JAK1: variants seen among roughly 807,000 people sequenced by gnomAD.
JAK1 encodes tyrosine-protein kinase JAK1.
In JAK1, 16 loss-of-function variants were observed where a neutral mutation model predicts 136.6. That is an observed-to-expected ratio of 0.12 (90% CI 0.08 to 0.18). The LOEUF (loss-of-function observed/expected upper bound fraction) is 0.18. Ranked by LOEUF, JAK1 falls within the 10% of genes least tolerant of loss-of-function variation. The pLI, the probability that JAK1 is intolerant of heterozygous loss-of-function variation, is 1.00. For missense variants in JAK1, 859 were observed against 1,450.1 expected (o/e 0.59, Z 6.62); for synonymous variants, 492 against 519.5 (o/e 0.95, Z 0.72).
intron 5 of JAK1, among the ~76,000 whole-genome samples, chr1:64,871,409 G>A (rs1364264781): frequency 6.6e-6 from 1 of 152,194 alleles, no homozygotes; most frequent in Non-Finnish European, 1.5e-5. Flanking sequence ...AAGGGAAAAC[G>A]AGAAAAACAG....
chr1:64,969,374 A>G (rs1017387885), upstream of JAK1, among the ~76,000 whole-genome samples: 10 of 151,916 alleles, frequency 6.6e-5, no homozygotes, highest in African/African-American at 2.2e-4. Flanking sequence ...ACTAGGTGCT[A>G]GTAGCAAGTC....
chr1:64,988,760 A>C (rs1646623536), intron 2 of JAK1, among the ~76,000 whole-genome samples: 1 of 151,750 alleles, frequency 6.6e-6, no homozygotes, highest in Non-Finnish European at 1.5e-5. Context: ...CTGGTGGTGC[A>C]TGCCTGTAGT....
intron 1 of JAK1, among the ~76,000 whole-genome samples, chr1:65,063,551 C>A (rs902627559): frequency 6.6e-6 from 1 of 152,098 alleles, no homozygotes; most frequent in Non-Finnish European, 1.5e-5. Flanking sequence ...TGCCTGTAAT[C>A]CCAGCAGTTT....
At chr1:64,975,014 A>G (rs1049240261) in intron 2 of JAK1, among the ~76,000 whole-genome samples, 1 of 151,374 alleles carries the variant, frequency 6.6e-6, no homozygotes, top group African/African-American at 2.4e-5. Flanking sequence ...GGTTCAAGCA[A>G]TTCTCCTGCC....
chr1:65,037,262 G>GGT (rs1647083261), intron 2 of JAK1, among the ~76,000 whole-genome samples: 1 of 151,982 alleles, frequency 6.6e-6, no homozygotes, highest in Non-Finnish European at 1.5e-5. Flanking sequence ...AGGAAAAAGG[G>GGT]GTGTGTGTGT....
intron 2 of JAK1, chr1:64,985,764 C>T: frequency 1.5e-6 from 1 of 657,144 alleles, no homozygotes; most frequent in Non-Finnish European, 2.8e-6. Flanking sequence ...AGCTACTTTA[C>T]ACAGTCCCAT....
intron 8 of JAK1, among the ~76,000 whole-genome samples, chr1:64,860,993 C>T (rs925638256): frequency 1.5e-5 from 2 of 130,882 alleles, no homozygotes; most frequent in Non-Finnish European, 3.2e-5. Context: ...GGGGGTGACG[C>T]GGTGGGGGAG....
chr1:64,969,247 C>G (rs1214239436), upstream of JAK1, among the ~76,000 whole-genome samples: 1 of 151,614 alleles, frequency 6.6e-6, no homozygotes. Flanking sequence ...GAAGAATCAC[C>G]CTAGGGCAAG....
intron 1 of JAK1, among the ~76,000 whole-genome samples, chr1:64,964,935 T>G (rs1646345810): frequency 6.6e-6 from 1 of 152,082 alleles, no homozygotes; most frequent in South Asian, 2.1e-4. Context: ...ACATTGATCC[T>G]TCAATGAAAA....
chr1:64,917,612 C>T (rs2100342507), intron 1 of JAK1, among the ~76,000 whole-genome samples: 1 of 152,270 alleles, frequency 6.6e-6, no homozygotes, highest in South Asian at 2.1e-4. Context: ...GAGCCTGGAC[C>T]AAATTCCTAA....
At chr1:64,864,738 T>G (rs768647133) in intron 8 of JAK1, 49 bp downstream of exon 8, 1 of 1,369,346 alleles carries the variant, frequency 7.3e-7, no homozygotes, top group South Asian at 1.2e-5. Flanking sequence ...TCAGCAATTC[T>G]CCCTCTCATC....
At chr1:64,959,361 CAG>C (rs1389806625) in intron 1 of JAK1, among the ~76,000 whole-genome samples, 1 of 152,182 alleles carries the variant, frequency 6.6e-6, no homozygotes, top group Non-Finnish European at 1.5e-5. Flanking sequence ...TTTATGGAAA[CAG>C]AAACTGTAAA....
intron 8 of JAK1, among the ~76,000 whole-genome samples, chr1:64,863,384 G>A (rs1379795326): frequency 1.3e-5 from 2 of 152,022 alleles, no homozygotes; most frequent in Non-Finnish European, 2.9e-5. Context: ...ATAACACGGG[G>A]CCTGATATCC....
chr1:64,885,402 G>A (rs375693117), intron 2 of JAK1, among the ~76,000 whole-genome samples: 2 of 152,146 alleles, frequency 1.3e-5, no homozygotes, highest in African/African-American at 4.8e-5. Context: ...TAACTCTAAG[G>A]AAATAAACAG....
rs532527445 is a variant in JAK1 at position 64,895,383 on chromosome 1, T to C, written c.-77-9042A>G. Among the ~76,000 whole-genome samples the C allele has an allele frequency of 2.8e-3, 432 of 152,274 alleles. 2 individuals carry two copies. The highest frequency in any genetic ancestry group is 5.3e-3 in the Non-Finnish European group (362 of 68,020). On this transcript the variant is annotated intron_variant, in intron 1 of 24. Coordinates refer to ENST00000342505, the MANE Select transcript of JAK1 (RefSeq NM_002227.4). ...AACAGATTTCACAGCCCAGTAAAGA[T>C]TAACAGACTACAGTTTGAAAAACAC...
At chr1:65,062,354 G>A (rs1198132177) in intron 1 of JAK1, among the ~76,000 whole-genome samples, 6 of 152,090 alleles carry the variant, frequency 3.9e-5, no homozygotes, top group East Asian at 1.9e-4. Flanking sequence ...AGCTAACTTC[G>A]GAATGATCCA....
chr1:64,914,569 T>G (rs779802020), intron 1 of JAK1, among the ~76,000 whole-genome samples: 8 of 152,200 alleles, frequency 5.3e-5, no homozygotes, highest in Non-Finnish European at 1.0e-4. Flanking sequence ...TACATGGTTT[T>G]GTTTTGTTTT....
At chr1:65,045,301 T>C (rs7537978) in intron 1 of JAK1, among the ~76,000 whole-genome samples, 33,317 of 152,150 alleles carry the variant, frequency 0.22, 4,097 homozygotes, top group African/African-American at 0.33. Flanking sequence ...TGAATGCTTA[T>C]CTAATTTAGT....
intron 2 of JAK1, among the ~76,000 whole-genome samples, chr1:65,035,412 C>T (rs747678785): frequency 3.3e-5 from 5 of 152,096 alleles, no homozygotes; most frequent in Admixed American, 2.6e-4. Flanking sequence ...GCTGAGGAAA[C>T]GCATCCGTGA....
Sources: gnomAD v4.1 joint callset for allele counts (sites outside exome capture counted in the v4.1 genomes callset) on GRCh38, gnomAD v4.1.1 for gene constraint, MANE v1.5 for transcripts, NCBI Gene and HGNC (gene_info 2026-07-23, HGNC 2026-07-21) for gene names.